The following ULK4 variants were observed in gnomAD, a reference collection of about 807,000 sequenced individuals.
The protein encoded by ULK4 is inactive serine/threonine-protein kinase ULK4.
Under a neutral mutation model 160.6 loss-of-function variants are expected in ULK4, and 133 were observed. The observed-to-expected ratio is 0.83, with a 90% CI of 0.72 to 0.96. The LOEUF (loss-of-function observed/expected upper bound fraction) is 0.96, where lower values mean the gene tolerates loss of function less well. ULK4 is among the 40% of genes least tolerant of loss of function. The pLI, the probability that ULK4 is intolerant of heterozygous loss-of-function variation, is 0.00. For synonymous variants in ULK4, 534 were observed against 539.8 expected (o/e 0.99, Z 0.15); for missense variants, 1,580 against 1,499.5 (o/e 1.05, Z -0.89).
intron 35 of ULK4, among the ~76,000 whole-genome samples, chr3:41,332,591 T>C (rs1224858573): frequency 6.6e-6 from 1 of 152,266 alleles, no homozygotes; most frequent in African/African-American, 2.4e-5. Flanking sequence ...GGTTAGTACT[T>C]ATCTTTGAAA....
chr3:41,878,679 A>G (rs1291346261), intron 17 of ULK4, among the ~76,000 whole-genome samples: 2 of 149,488 alleles, frequency 1.3e-5, no homozygotes, highest in Non-Finnish European at 3.0e-5. Context: ...AACTGTTAAA[A>G]AAAAAAAAAA....
At chr3:41,295,760 C>A (rs2079656120) in intron 35 of ULK4, among the ~76,000 whole-genome samples, 1 of 152,106 alleles carries the variant, frequency 6.6e-6, no homozygotes, top group Admixed American at 6.6e-5. Context: ...TGGCCCAAAT[C>A]TGGAATATTG....
intron 22 of ULK4, among the ~76,000 whole-genome samples, chr3:41,725,016 C>G (rs1429651176): frequency 6.6e-6 from 1 of 152,126 alleles, no homozygotes; most frequent in Admixed American, 6.5e-5. Context: ...TAAGAGACCA[C>G]TGTTGATTAT....
At chr3:41,289,158 T>G (rs564404858) in intron 35 of ULK4, among the ~76,000 whole-genome samples, 1 of 152,330 alleles carries the variant, frequency 6.6e-6, no homozygotes, top group African/African-American at 2.4e-5. Context: ...TGAATTGGTT[T>G]GTTTTGTTTG....
At chr3:41,961,548 TCACCCCCCCCCCCC>T (rs869216407) in intron 1 of ULK4, among the ~76,000 whole-genome samples, 2 of 5,080 alleles carry the variant, frequency 3.9e-4, no homozygotes, top group Non-Finnish European at 1.3e-3. Context: ...ACGTAGTCAC[TCACCCCCCCCCCCC>T]CCCCCCCCGC....
intron 35 of ULK4, among the ~76,000 whole-genome samples, chr3:41,270,035 T>TACAC: frequency 6.6e-6 from 1 of 151,734 alleles, no homozygotes; most frequent in South Asian, 2.1e-4. Flanking sequence ...TTAGGATACA[T>TACAC]ACACACACAC....
In ULK4 at chr3:41,506,693, C is replaced by A. The variant is rs528247339; in HGVS notation, c.3227-43440G>T. 2.1e-5 allele frequency among the ~76,000 whole-genome samples: 3 copies of A among 141,330 alleles called. No individual in the cohort carries two copies. The East Asian group carries it at 6.2e-4, about 29-fold the overall frequency. The allele number at this position is 141,330 out of a possible 152,430, so 92.7% of individuals were successfully genotyped here. The stretch of plus-strand genomic sequence containing the variant: ...TTCACTAATGAATCACTTTCTTGTC[C>A]TCTATTTCTTAAGCAAGTGTTTTGT... On this transcript the variant is annotated intron_variant, in intron 32 of 36. Transcript: ENST00000301831.
intron 35 of ULK4, among the ~76,000 whole-genome samples, chr3:41,323,576 C>T (rs1430104599): frequency 6.6e-6 from 1 of 152,100 alleles, no homozygotes; most frequent in Admixed American, 6.6e-5. Context: ...GGTCTCAGCA[C>T]TACTACACCA....
intron 17 of ULK4, among the ~76,000 whole-genome samples, chr3:41,880,992 C>T (rs1260915380): frequency 6.6e-6 from 1 of 152,108 alleles, no homozygotes; most frequent in Admixed American, 6.6e-5. Flanking sequence ...TTTTCCTGTT[C>T]ACTGAGAGTA....
chr3:41,248,209 T>G (rs1007249300), intron 36 of ULK4, among the ~76,000 whole-genome samples: 5 of 152,164 alleles, frequency 3.3e-5, no homozygotes, highest in Non-Finnish European at 7.3e-5. Flanking sequence ...CCTCTGTGGC[T>G]CTCTCTCTGC....
chr3:41,877,670 A>G (rs1044286701), intron 17 of ULK4, among the ~76,000 whole-genome samples: 2 of 152,136 alleles, frequency 1.3e-5, no homozygotes, highest in African/African-American at 4.8e-5. Flanking sequence ...GTAAATCAAA[A>G]GGTAAAAACG....
chr3:41,439,279 G>A (rs1476152245), intron 34 of ULK4, among the ~76,000 whole-genome samples: 2 of 152,268 alleles, frequency 1.3e-5, no homozygotes, highest in African/African-American at 4.8e-5. Context: ...TTTGTTTCTG[G>A]ATTTGGGGAC....
intron 30 of ULK4, among the ~76,000 whole-genome samples, chr3:41,648,884 A>G (rs932214738): frequency 2.0e-5 from 3 of 152,174 alleles, no homozygotes; most frequent in Admixed American, 6.5e-5. Flanking sequence ...CTATAATCCC[A>G]GCACTTTAGG....
intron 35 of ULK4, among the ~76,000 whole-genome samples, chr3:41,389,231 C>T (rs1211347296): frequency 1.3e-5 from 2 of 152,078 alleles, no homozygotes; most frequent in Non-Finnish European, 2.9e-5. Context: ...TGTATCCTGA[C>T]ACTTTGCTGA....
intron 35 of ULK4, among the ~76,000 whole-genome samples, chr3:41,257,697 T>A (rs2125673647): frequency 6.6e-6 from 1 of 152,178 alleles, no homozygotes; most frequent in African/African-American, 2.4e-5. Flanking sequence ...TCTTGGATAT[T>A]TACCCAAGTG....
intron 2 of ULK4, among the ~76,000 whole-genome samples, chr3:41,943,957 C>T (rs1170788182): frequency 1.3e-5 from 2 of 152,196 alleles, no homozygotes; most frequent in Non-Finnish European, 2.9e-5. Flanking sequence ...TCTTTAATAA[C>T]AGAATTCCTC....
At chr3:41,412,532 G>A (rs943374347) in intron 34 of ULK4, among the ~76,000 whole-genome samples, 2 of 145,686 alleles carry the variant, frequency 1.4e-5, no homozygotes, top group African/African-American at 2.6e-5. Flanking sequence ...TTCTGATAAA[G>A]GTCAATGGCA....
chr3:41,944,900 C>T (rs930256437), intron 2 of ULK4, among the ~76,000 whole-genome samples: 5 of 152,170 alleles, frequency 3.3e-5, no homozygotes, highest in Non-Finnish European at 7.3e-5. Context: ...CACCATATAC[C>T]ACTGACGTTA....
intron 32 of ULK4, among the ~76,000 whole-genome samples, chr3:41,484,393 G>A (rs2084433264): frequency 6.6e-6 from 1 of 151,744 alleles, no homozygotes; most frequent in Non-Finnish European, 1.5e-5. Context: ...TGGACTGGGC[G>A]CCTGGAGATA....
Sources: allele counts gnomAD v4.1 joint callset (sites outside exome capture counted in the v4.1 genomes callset), GRCh38; gene constraint gnomAD v4.1.1; transcripts MANE v1.5; gene names NCBI Gene and HGNC (gene_info 2026-07-23, HGNC 2026-07-21).